Variants in MRTFB observed in about 807,000 individuals in gnomAD.
MRTFB encodes the protein myocardin-related transcription factor B.
In MRTFB, 29 loss-of-function variants were observed where a neutral mutation model predicts 104.2. The ratio of observed to expected loss-of-function variants is 0.28; its 90% confidence interval spans 0.21 to 0.38. The LOEUF (loss-of-function observed/expected upper bound fraction) is 0.38, where lower values mean the gene tolerates loss of function less well. Among genes scored for constraint, MRTFB ranks in the 10% least tolerant of loss-of-function variants. MRTFB has a pLI of 1.00. For missense variants in MRTFB, 1,270 were observed against 1,341.6 expected, an observed-to-expected ratio of 0.95 and a Z score of 0.83; for synonymous variants, 535 against 519.5, an observed-to-expected ratio of 1.03 and a Z score of -0.41.
At chr16:14,004,339 A>G in the MRTFB span, among the ~76,000 whole-genome samples, 1 of 152,312 alleles carries the variant, frequency 6.6e-6, no homozygotes, top group African/African-American at 2.4e-5. Context: ...AGGGTCAGGC[A>G]CTGAACAGAT....
intron 2 of MRTFB, among the ~76,000 whole-genome samples, chr16:14,093,850 T>TA (rs1304445638): frequency 6.6e-6 from 1 of 152,206 alleles, no homozygotes. Context: ...TAAAATCAGT[T>TA]ACAGAGCTGA....
chr16:14,202,501 C>T (rs2040751585), intron 3 of MRTFB, among the ~76,000 whole-genome samples: 1 of 152,116 alleles, frequency 6.6e-6, no homozygotes, highest in Admixed American at 6.5e-5. Context: ...TTGACTTTCT[C>T]CCCTTTGACT....
At chr16:14,139,896 T>G (rs528252862) in intron 2 of MRTFB, among the ~76,000 whole-genome samples, 2 of 152,234 alleles carry the variant, frequency 1.3e-5, no homozygotes, top group African/African-American at 2.4e-5. Flanking sequence ...TTTGTAGTCC[T>G]TAAGCCAGTG....
intron 2 of MRTFB, among the ~76,000 whole-genome samples, chr16:14,099,085 A>C (rs1397172424): frequency 6.6e-6 from 1 of 152,184 alleles, no homozygotes; most frequent in East Asian, 1.9e-4. Context: ...TTTGGAGTTT[A>C]GAATCAGCTT....
chr16:14,231,101 G>A (rs951622963), intron 8 of MRTFB, among the ~76,000 whole-genome samples: 2 of 150,546 alleles, frequency 1.3e-5, no homozygotes, highest in African/African-American at 4.9e-5. Context: ...CATGGACACA[G>A]GAAGGGGAAC....
chr16:14,117,092 C>T (rs2036579470), intron 2 of MRTFB, among the ~76,000 whole-genome samples: 1 of 152,212 alleles, frequency 6.6e-6, no homozygotes, highest in Non-Finnish European at 1.5e-5. Context: ...GGGGATCACA[C>T]TCTGTTCTTC....
At chr16:14,250,203 T>G (rs1050585519) in intron 13 of MRTFB, among the ~76,000 whole-genome samples, 3 of 152,222 alleles carry the variant, frequency 2.0e-5, no homozygotes, top group African/African-American at 7.2e-5. Context: ...ATTAATTTTT[T>G]CAAATAGGAG....
intron 2 of MRTFB, among the ~76,000 whole-genome samples, chr16:14,085,864 A>C (rs1043226299): frequency 6.6e-6 from 1 of 152,224 alleles, no homozygotes. Flanking sequence ...TTTGTTTGAA[A>C]TGTTGAATTG....
chr16:14,171,628 C>T (rs558083542), intron 3 of MRTFB, among the ~76,000 whole-genome samples: 66 of 152,276 alleles, frequency 4.3e-4, no homozygotes, highest in African/African-American at 1.6e-3. Context: ...AGCCTTTCCC[C>T]TTTATGTATT....
At chr16:14,104,443 A>T (rs904541060) in intron 2 of MRTFB, among the ~76,000 whole-genome samples, 5 of 152,206 alleles carry the variant, frequency 3.3e-5, no homozygotes, top group Non-Finnish European at 7.3e-5. Flanking sequence ...CAGTAGACTG[A>T]TGCCTGTACA....
At chr16:14,070,610 T>C (rs958188680), upstream of MRTFB, among the ~76,000 whole-genome samples, 1 of 152,250 alleles carries the variant, frequency 6.6e-6, no homozygotes, top group Non-Finnish European at 1.5e-5. Flanking sequence ...AGAAGCACTT[T>C]ACTGTCGCCA....
intron 3 of MRTFB, among the ~76,000 whole-genome samples, chr16:14,161,085 CTTTTTTT>C (rs57360069): frequency 5.6e-5 from 3 of 53,130 alleles, no homozygotes; most frequent in Non-Finnish European, 1.0e-4. Context: ...AATGCCAGGA[CTTTTTTT>C]TTTTTTTTTT....
chr16:14,157,614 G>T (rs1009501365), intron 3 of MRTFB, among the ~76,000 whole-genome samples: 5 of 152,298 alleles, frequency 3.3e-5, no homozygotes, highest in Middle Eastern at 3.4e-3. Context: ...CTAGTAGTGG[G>T]CTTGGTGAGG....
the MRTFB span, among the ~76,000 whole-genome samples, chr16:13,997,571 G>C: frequency 8.6e-5 from 13 of 151,716 alleles, no homozygotes; most frequent in Admixed American, 2.6e-4. Context: ...GAAGCAAGAG[G>C]ATTACTTGAG....
intron 9 of MRTFB, among the ~76,000 whole-genome samples, chr16:14,238,356 G>A (rs952323508): frequency 3.9e-5 from 6 of 152,134 alleles, no homozygotes; most frequent in African/African-American, 9.7e-5. Flanking sequence ...TGAGGGGACC[G>A]TGGGATATAG....
intron 3 of MRTFB, among the ~76,000 whole-genome samples, chr16:14,180,863 A>G (rs28550411): frequency 0.027 from 4,080 of 152,332 alleles, 198 homozygotes; most frequent in African/African-American, 0.093. Context: ...CAACAAGCAC[A>G]GATGACAAAC....
chr16:14,071,237 G>A (rs904723648), upstream of MRTFB: 1 of 153,222 alleles, frequency 6.5e-6, no homozygotes, highest in South Asian at 1.8e-4. Context: ...CAGCGTCCGG[G>A]GAGCGCGCCG....
At chr16:14,061,158 A>C in the MRTFB span, among the ~76,000 whole-genome samples, 2 of 151,990 alleles carry the variant, frequency 1.3e-5, no homozygotes, top group Non-Finnish European at 2.9e-5. Context: ...AAAAAAAACA[A>C]AAAAAAACAC....
intron 3 of MRTFB, among the ~76,000 whole-genome samples, chr16:14,185,234 T>C (rs2151026410): frequency 6.6e-6 from 1 of 152,320 alleles, no homozygotes; most frequent in South Asian, 2.1e-4. Flanking sequence ...AAGCATGTCC[T>C]GTGAGATGCT....
Sources: gnomAD v4.1 joint callset for allele counts (sites outside exome capture counted in the v4.1 genomes callset) on GRCh38, gnomAD v4.1.1 for gene constraint, MANE v1.5 for transcripts, NCBI Gene and HGNC (gene_info 2026-07-23, HGNC 2026-07-21) for gene names.